Variants in EXT1 observed in about 807,000 individuals in gnomAD.
The protein encoded by EXT1 is exostosin-1.
Under a neutral mutation model 82.5 loss-of-function variants are expected in EXT1, and 20 were observed. The ratio of observed to expected loss-of-function variants is 0.24; its 90% CI spans 0.17 to 0.35. The LOEUF (loss-of-function observed/expected upper bound fraction) is 0.35. Ranked by LOEUF, EXT1 falls within the 10% of genes least tolerant of loss-of-function variation. The probability of loss-of-function intolerance (pLI) is 1.00; values close to 1 mark genes in which losing one functional copy is unlikely to be tolerated. For missense variants in EXT1, 757 were observed against 936.5 expected, an observed-to-expected ratio of 0.81 and a Z score of 2.50; for synonymous variants, 348 against 350.8, an observed-to-expected ratio of 0.99 and a Z score of 0.09.
chr8:118,093,342 C>T (rs1378134255), intron 1 of EXT1, among the ~76,000 whole-genome samples: 2 of 149,754 alleles, frequency 1.3e-5, no homozygotes, highest in South Asian at 2.1e-4. Flanking sequence ...CTATAATCAT[C>T]ATTGTGCATA....
intron 1 of EXT1, among the ~76,000 whole-genome samples, chr8:118,002,909 T>C (rs1037519234): frequency 3.3e-5 from 5 of 152,072 alleles, no homozygotes; most frequent in African/African-American, 1.2e-4. Flanking sequence ...AAAGAAGTCG[T>C]ATGAAAAAGA....
intron 1 of EXT1, among the ~76,000 whole-genome samples, chr8:117,874,472 A>C (rs772101689): frequency 6.7e-6 from 1 of 150,002 alleles, no homozygotes; most frequent in Non-Finnish European, 1.5e-5. Context: ...GCTACTTGGG[A>C]GGCTGAGGCA....
rs572002302 is a variant in EXT1 at position 118,064,351 on chromosome 8, CCG to C, written c.962+45732_962+45733del. On this transcript the variant is annotated intron_variant, in intron 1 of 10. Coordinates refer to ENST00000378204, the MANE Select transcript of EXT1 (RefSeq NM_000127.3). ...CCTAGCTCCCACCCCTTGACAGGCC[CCG>C]GTGTATGATGTGCCCCTCCCTGTGT... Among the ~76,000 whole-genome samples, 664 of 152,194 alleles carry C rather than the reference CCG, an allele frequency of 4.4e-3. 3 individuals are homozygous for C. The highest frequency in any genetic ancestry group is 0.014 in the African/African-American group (590 of 41,504).
intron 1 of EXT1, among the ~76,000 whole-genome samples, chr8:118,082,327 A>G (rs149584936): frequency 6.6e-6 from 1 of 152,350 alleles, no homozygotes; most frequent in African/African-American, 2.4e-5. Context: ...AACAATTCTC[A>G]TGTAAGTTTC....
chr8:118,045,791 CT>C (rs144284583), intron 1 of EXT1, among the ~76,000 whole-genome samples: 8 of 148,540 alleles, frequency 5.4e-5, no homozygotes, highest in Middle Eastern at 3.5e-3. Context: ...GACTGGATGT[CT>C]TTTTTTTTTC....
intron 1 of EXT1, among the ~76,000 whole-genome samples, chr8:118,077,059 G>A (rs1330522055): frequency 6.6e-6 from 1 of 152,132 alleles, no homozygotes; most frequent in African/African-American, 2.4e-5. Flanking sequence ...CTTCCAAAAA[G>A]TACATTTCAG....
intron 3 of EXT1, among the ~76,000 whole-genome samples, chr8:117,834,551 G>A (rs550629452): frequency 6.6e-6 from 1 of 152,250 alleles, no homozygotes; most frequent in Admixed American, 6.5e-5. Flanking sequence ...GTTGCAGTGA[G>A]CAGAGATCAC....
chr8:117,886,837 C>A (rs903299002), intron 1 of EXT1, among the ~76,000 whole-genome samples: 3 of 152,166 alleles, frequency 2.0e-5, no homozygotes, highest in South Asian at 2.1e-4. Flanking sequence ...GGGCTTCAAT[C>A]TTCCTAGCTG....
chr8:117,964,120 TTA>T (rs1814757679), intron 1 of EXT1, among the ~76,000 whole-genome samples: 1 of 152,244 alleles, frequency 6.6e-6, no homozygotes, highest in African/African-American at 2.4e-5. Context: ...ATTTGTTTAC[TTA>T]TACACTTTAC....
Position 117,798,921 on chromosome 8 carries a change from C to T in EXT1, c.*791G>A, listed in dbSNP as rs1395265370. 6.6e-6 allele frequency: 1 copy of T among 152,254 alleles called. No individual in the cohort carries two copies. Among genetic ancestry groups the T allele is most frequent in the African/African-American group, 2.4e-5 (1 of 41,430 alleles). 9.4% of individuals were successfully genotyped at this position (152,254 alleles called of 1,614,324 possible). A position where few individuals can be genotyped will look rare whatever the true frequency, so the allele number is the denominator to read the frequency against. ...GGTTACTGTTGTGGGTCTGTATTTC[C>T]ATCTCACTAACATGCTGGTGGGTTA... On this transcript the variant is annotated 3_prime_UTR_variant, in exon 11 of 11. Coordinates refer to ENST00000378204, the MANE Select transcript of EXT1 (RefSeq NM_000127.3).
At chr8:118,009,988 A>G (rs1321307553) in intron 1 of EXT1, among the ~76,000 whole-genome samples, 1 of 152,210 alleles carries the variant, frequency 6.6e-6, no homozygotes, top group African/African-American at 2.4e-5. Context: ...GCTAACAGGT[A>G]GGCTAAAGAG....
intron 1 of EXT1, among the ~76,000 whole-genome samples, chr8:117,860,146 CAAAA>C (rs34399339): frequency 1.3e-5 from 1 of 76,896 alleles, no homozygotes; most frequent in Non-Finnish European, 2.3e-5. Context: ...GATTCTATCT[CAAAA>C]AAAAAAAAAA....
chr8:117,912,258 T>C (rs1813662606), intron 1 of EXT1, among the ~76,000 whole-genome samples: 1 of 152,212 alleles, frequency 6.6e-6, no homozygotes, highest in South Asian at 2.1e-4. Context: ...CTAACAGAGC[T>C]AGATCTTGCC....
At chr8:117,829,347 G>C (rs528453658) in intron 4 of EXT1, among the ~76,000 whole-genome samples, 2 of 152,020 alleles carry the variant, frequency 1.3e-5, no homozygotes, top group South Asian at 4.2e-4. Flanking sequence ...CTGCCTAAAA[G>C]ATTTTCTGCT....
intron 1 of EXT1, among the ~76,000 whole-genome samples, chr8:118,007,283 C>G (rs897044053): frequency 3.3e-5 from 5 of 151,276 alleles, no homozygotes; most frequent in Non-Finnish European, 7.4e-5. Context: ...GGGGACACAG[C>G]GAGACACCAT....
intron 1 of EXT1, among the ~76,000 whole-genome samples, chr8:117,891,735 C>T (rs952775044): frequency 1.3e-5 from 2 of 151,786 alleles, no homozygotes; most frequent in African/African-American, 4.8e-5. Context: ...GCTTTACCCA[C>T]TCTAAGGACC....
rs141835948 is a variant in EXT1, at chr8:117,967,282, A to C, written c.963-130081T>G. On this transcript the variant is annotated intron_variant, in intron 1 of 10. Coordinates refer to ENST00000378204, the MANE Select transcript of EXT1 (RefSeq NM_000127.3). ...TACCCAGAATGCACCTGAATGTCTG[A>C]GGAAGGAGAGCTGTCTGTGTGACCA... 4.5e-3 allele frequency among the ~76,000 whole-genome samples: 688 copies of C among 152,342 alleles called. 1 individual carries two copies. Among genetic ancestry groups the C allele is most frequent in the Non-Finnish European group, 7.3e-3 (497 of 68,024 alleles).
At chr8:118,080,318 A>AT (rs1011798626) in intron 1 of EXT1, among the ~76,000 whole-genome samples, 11 of 152,156 alleles carry the variant, frequency 7.2e-5, no homozygotes, top group African/African-American at 2.4e-4. Context: ...GATATCATCC[A>AT]TTTTTTAACC....
chr8:117,964,114 G>C (rs963546861), intron 1 of EXT1, among the ~76,000 whole-genome samples: 4 of 152,072 alleles, frequency 2.6e-5, no homozygotes, highest in African/African-American at 9.7e-5. Flanking sequence ...TGTATCATTT[G>C]TTTACTTATA....
Sources: allele counts gnomAD v4.1 joint callset (sites outside exome capture counted in the v4.1 genomes callset), GRCh38; gene constraint gnomAD v4.1.1; transcripts MANE v1.5; gene names NCBI Gene and HGNC (gene_info 2026-07-23, HGNC 2026-07-21).